RUBCNL: variants seen among roughly 807,000 people sequenced by gnomAD.
RUBCNL encodes protein associated with UVRAG as autophagy enhancer.
RUBCNL carries 62 observed loss-of-function variants against 69.5 expected under a neutral mutation model. The ratio of observed to expected loss-of-function variants is 0.89; its 90% CI spans 0.73 to 1.10. The LOEUF (loss-of-function observed/expected upper bound fraction) is 1.10, where lower values mean the gene tolerates loss of function less well. Among genes scored for constraint, RUBCNL ranks in the 50% least tolerant of loss-of-function variants. The pLI is 0.00. For synonymous variants in RUBCNL, 291 were observed against 303.6 expected (o/e 0.96, Z 0.43); for missense variants, 768 against 798.1 (o/e 0.96, Z 0.45).
At chr13:46,376,560 A>G (rs2048999358) in intron 2 of RUBCNL, among the ~76,000 whole-genome samples, 1 of 152,114 alleles carries the variant, frequency 6.6e-6, no homozygotes, top group South Asian at 2.1e-4. Flanking sequence ...TCTCTTTGTC[A>G]CACATCTTTT....
intron 1 of RUBCNL, among the ~76,000 whole-genome samples, chr13:46,382,178 A>T (rs1262709312): frequency 2.0e-5 from 3 of 152,184 alleles, no homozygotes; most frequent in Non-Finnish European, 4.4e-5. Flanking sequence ...TTTTTTAAAA[A>T]ATAAGAATAG....
chr13:46,349,660 A>G (rs1273828467), intron 11 of RUBCNL, among the ~76,000 whole-genome samples: 1 of 151,772 alleles, frequency 6.6e-6, no homozygotes, highest in African/African-American at 2.4e-5. Context: ...GAGGGGCTCC[A>G]AAGTGTAAGC....
intron 12 of RUBCNL, among the ~76,000 whole-genome samples, chr13:46,346,908 TGTATA>T (rs1696881558): frequency 6.6e-6 from 1 of 152,336 alleles, no homozygotes; most frequent in East Asian, 1.9e-4. Context: ...CTTTACTGGT[TGTATA>T]GTATTCTATT....
rs1225493311 is a variant in RUBCNL at position 46,337,019 on chromosome 13, G to A, written c.*6366C>T. Among the ~76,000 whole-genome samples, 1 of 152,116 alleles carries A rather than the reference G, an allele frequency of 6.6e-6. No homozygotes were observed. Among genetic ancestry groups the A allele is most frequent in the Non-Finnish European group, 1.5e-5 (1 of 68,032 alleles). The stretch of plus-strand genomic sequence containing the variant: ...GAAGACCTAACCCCCAATTGTGACA[G>A]TATTAGGAGGTGGAGCCTTTAGGTG... On this transcript the variant is annotated 3_prime_UTR_variant, in exon 15 of 15. Transcript: ENST00000429979.
At chr13:46,361,694 G>C in intron 7 of RUBCNL, 121 bp from the exon 8 acceptor site, 1 of 911,342 alleles carries the variant, frequency 1.1e-6, no homozygotes, top group Non-Finnish European at 1.6e-6. Flanking sequence ...TGTCATATGA[G>C]ATGACGCATG....
chr13:46,342,589 G>A lies in RUBCNL; in HGVS notation c.*796C>T, dbSNP rs1270516051. On this transcript the variant is annotated 3_prime_UTR_variant, in exon 15 of 15. Coordinates refer to ENST00000429979, the MANE Select transcript of RUBCNL (RefSeq NM_025113.5). ...ATCACACTGTTCATTATTTCCCCCAGTTCGTTTAAATCTGCAAATACCTTA... is the reference window on the plus strand; with the variant it reads ...ATCACACTGTTCATTATTTCCCCCAATTCGTTTAAATCTGCAAATACCTTA... 2 of 152,068 alleles carry A rather than the reference G, an allele frequency of 1.3e-5. No homozygotes were observed. The highest frequency in any genetic ancestry group is 2.4e-5 in the African/African-American group (1 of 41,394). The allele number at this position is 152,068 out of a possible 1,614,324, so 9.4% of individuals were successfully genotyped here.
chr13:46,377,375 T>A (rs1202879852), intron 2 of RUBCNL, among the ~76,000 whole-genome samples: 1 of 152,222 alleles, frequency 6.6e-6, no homozygotes, highest in Non-Finnish European at 1.5e-5. Flanking sequence ...GCAATTCTCA[T>A]GCCTCAGCCT....
upstream of RUBCNL, chr13:46,387,696 T>C (rs2049282189): frequency 6.1e-6 from 6 of 985,664 alleles, no homozygotes; most frequent in Non-Finnish European, 7.2e-6. Context: ...GAGCTGTCTC[T>C]CTCTGACCTC....
At chr13:46,368,843 G>C in intron 3 of RUBCNL, 28 bp from the exon 4 acceptor site, 1 of 1,533,696 alleles carries the variant, frequency 6.5e-7, no homozygotes, top group Non-Finnish European at 8.9e-7. Flanking sequence ...TGTTAAAAAT[G>C]GGGAAAAGGG....
Position 46,339,002 on chromosome 13 carries a change from C to T in RUBCNL, c.*4383G>A, listed in dbSNP as rs977259882. Among the ~76,000 whole-genome samples the T allele has an allele frequency of 6.0e-5, 9 of 151,056 alleles. No individual in the cohort carries two copies. Among genetic ancestry groups the T allele is most frequent in the African/African-American group, 1.5e-4 (6 of 40,916 alleles). On this transcript the variant is annotated 3_prime_UTR_variant, in exon 15 of 15. Transcript: ENST00000429979. ...CAGAGGCTGCAGTGAACTGAGATCA[C>T]GCCAACTGCACTCCAGCCTGGGCGA...
intron 11 of RUBCNL, among the ~76,000 whole-genome samples, chr13:46,349,663 G>A (rs1190711066): frequency 2.0e-5 from 3 of 151,476 alleles, no homozygotes; most frequent in African/African-American, 7.3e-5. Flanking sequence ...GGGCTCCAAA[G>A]TGTAAGCTTC....
Position 46,343,155 on chromosome 13 carries a change from TAGC to T in RUBCNL, c.*227_*229del, listed in dbSNP as rs1348467922. On this transcript the variant is annotated 3_prime_UTR_variant, in exon 15 of 15. Transcript: ENST00000429979. ...ATAAAAAACCTCTTTAAAAAACCAA[TAGC>T]AGCCAAAACAGAACATTTGTAAACA... 12 of 654,052 alleles carry T rather than the reference TAGC, an allele frequency of 1.8e-5. No homozygotes were observed. The highest frequency in any genetic ancestry group is 1.4e-4 in the East Asian group (5 of 34,746). 40.5% of individuals were successfully genotyped at this position (654,052 alleles called of 1,614,324 possible). A position where few individuals can be genotyped will look rare whatever the true frequency, so the allele number is the denominator to read the frequency against.
chr13:46,372,563 C>A lies in RUBCNL; in HGVS notation c.-88G>T. ...TACTACTTGATTTGGGCCCTGAACT[C>A]ACCACATGGCCAGCTGGGGGTCTGG... On this transcript the variant is annotated 5_prime_UTR_variant, in exon 3 of 15. It removes the in-frame stop codon of an upstream open reading frame in the 5' UTR. Coordinates refer to ENST00000429979, the MANE Select transcript of RUBCNL (RefSeq NM_025113.5). 6.7e-7 allele frequency: 1 copy of A among 1,490,126 alleles called. No homozygotes were observed. Among genetic ancestry groups the A allele is most frequent in the Non-Finnish European group, 9.0e-7 (1 of 1,116,276 alleles). 92.3% of individuals were successfully genotyped at this position (1,490,126 alleles called of 1,614,324 possible).
intron 14 of RUBCNL, among the ~76,000 whole-genome samples, chr13:46,344,299 G>A (rs2048195587): frequency 6.6e-6 from 1 of 152,196 alleles, no homozygotes; most frequent in African/African-American, 2.4e-5. Context: ...TAATACCACA[G>A]AAGGGTCGGC....
intron 5 of RUBCNL, among the ~76,000 whole-genome samples, chr13:46,364,506 C>T (rs762775333): frequency 2.5e-4 from 38 of 152,272 alleles, no homozygotes; most frequent in Non-Finnish European, 5.0e-4. Flanking sequence ...GCTGCAGTTT[C>T]CTCATGGATA....
rs1555253840 is a variant in RUBCNL, at chr13:46,362,961, T to TATATATAG, written c.925+153_925+154insCTATATAT. 7.2e-5 allele frequency among the ~76,000 whole-genome samples: 9 copies of TATATATAG among 125,570 alleles called. No individual in the cohort carries two copies. The South Asian group carries it at 1.0e-3, about 14-fold the overall frequency. The allele number at this position is 125,570 out of a possible 152,430, so 82.4% of individuals were successfully genotyped here. A position where few individuals can be genotyped will look rare whatever the true frequency, so the allele number is the denominator to read the frequency against. Reference sequence around the variant, plus strand: ...ATAGATATATATATATATATATATATATATATATATATATCAGGGCCATAA... The same window carrying TATATATAG: ...ATAGATATATATATATATATATATATATATATAGATATATATATATATCAGGGCCATAA... On this transcript the variant is annotated intron_variant, in intron 6 of 14. Transcript: ENST00000429979.
Position 46,338,111 on chromosome 13 carries a change from A to G in RUBCNL, c.*5274T>C, listed in dbSNP as rs2048115777. Among the ~76,000 whole-genome samples, 1 of 152,098 alleles carries G rather than the reference A, an allele frequency of 6.6e-6. No homozygotes were observed. Among genetic ancestry groups the G allele is most frequent in the East Asian group, 1.9e-4 (1 of 5,192 alleles). On this transcript the variant is annotated 3_prime_UTR_variant, in exon 15 of 15. Coordinates refer to ENST00000429979, the MANE Select transcript of RUBCNL (RefSeq NM_025113.5). ...AAGAATGGGCAAGATCGGGAGGGAG[A>G]TGAAAAGGGGAAGCGCCCACCACTC...
chr13:46,368,499 G>A (rs145422879), intron 4 of RUBCNL: 2 of 985,296 alleles, frequency 2.0e-6, no homozygotes, highest in African/African-American at 3.5e-5. Flanking sequence ...CTTAGGTTGG[G>A]GGAAGCCTAA....
chr13:46,365,688 G>A (rs1471591439), intron 5 of RUBCNL, among the ~76,000 whole-genome samples: 3 of 152,186 alleles, frequency 2.0e-5, no homozygotes, highest in Non-Finnish European at 4.4e-5. Flanking sequence ...ACTATACACA[G>A]TCTAGTTCAA....
Sources: gnomAD v4.1 joint callset for allele counts (sites outside exome capture counted in the v4.1 genomes callset) on GRCh38, gnomAD v4.1.1 for gene constraint, MANE v1.5 for transcripts, NCBI Gene and HGNC (gene_info 2026-07-23, HGNC 2026-07-21) for gene names.